The following TSHR variants were observed in gnomAD, a reference collection of about 807,000 sequenced individuals.
TSHR encodes the protein thyroid stimulating hormone receptor.
In TSHR, 51 loss-of-function variants were observed where a neutral mutation model predicts 64.1. The ratio of observed to expected loss-of-function variants is 0.80; its 90% CI spans 0.64 to 1.01. The LOEUF (loss-of-function observed/expected upper bound fraction) is 1.01, where lower values mean the gene tolerates loss of function less well. Among genes scored for constraint, TSHR ranks in the 50% least tolerant of loss-of-function variants. The probability of loss-of-function intolerance (pLI) is 0.00; values close to 1 mark genes in which losing one functional copy is unlikely to be tolerated. For synonymous variants in TSHR, 361 were observed against 361.9 expected (o/e 1.00, Z 0.03); for missense variants, 877 against 942.8 (o/e 0.93, Z 0.91).
At chr14:81,088,655 C>T (rs1423490278) in intron 4 of TSHR, among the ~76,000 whole-genome samples, 1 of 152,092 alleles carries the variant, frequency 6.6e-6, no homozygotes, top group African/African-American at 2.4e-5. Flanking sequence ...GACCTCAGGC[C>T]CCCTGGATAC....
At chr14:81,142,710 G>A (rs756293926) in intron 9 of TSHR, among the ~76,000 whole-genome samples, 6 of 150,868 alleles carry the variant, frequency 4.0e-5, no homozygotes, top group Admixed American at 6.6e-5. Context: ...CCCAGGCTCA[G>A]GTGATTTTCC....
intron 7 of TSHR, among the ~76,000 whole-genome samples, chr14:81,105,887 G>A (rs920894951): frequency 2.6e-5 from 4 of 152,142 alleles, no homozygotes; most frequent in Admixed American, 2.0e-4. Context: ...ATGCAAGCCA[G>A]TGCAGCCCTT....
intron 1 of TSHR, among the ~76,000 whole-genome samples, chr14:81,018,864 T>C (rs117336803): frequency 0.012 from 1,805 of 152,296 alleles, 21 homozygotes; most frequent in African/African-American, 0.016. Context: ...TTTTGAAATC[T>C]AACCAACTCA....
chr14:81,001,824 A>G (rs1449223830), intron 1 of TSHR: 2 of 254,578 alleles, frequency 7.9e-6, no homozygotes, highest in East Asian at 1.1e-4. Flanking sequence ...CAGGCCACTT[A>G]GGGGAAGAGC....
chr14:81,135,233 T>A lies in TSHR; in HGVS notation c.693-4446T>A, dbSNP rs190291054. 7.9e-5 allele frequency among the ~76,000 whole-genome samples: 12 copies of A among 152,232 alleles called. No homozygotes were observed. The East Asian group carries it at 2.1e-3, about 27-fold the overall frequency. ...TAGGAGAGAAAATCAAGAAAAAAGA[T>A]GACACAAGATTCAGAAAGAGACTCC... On this transcript the variant is annotated intron_variant, in intron 8 of 9. Coordinates refer to ENST00000298171, the MANE Select transcript of TSHR (RefSeq NM_000369.5).
At chr14:80,992,943 C>T (rs1888816897) in intron 1 of TSHR, 1 of 152,118 alleles carries the variant, frequency 6.6e-6, no homozygotes, top group South Asian at 2.1e-4. Flanking sequence ...TCACTGCGTT[C>T]CTTGTGGGTC....
intron 7 of TSHR, among the ~76,000 whole-genome samples, chr14:81,097,555 C>T (rs1368249734): frequency 6.6e-6 from 1 of 152,042 alleles, no homozygotes; most frequent in Non-Finnish European, 1.5e-5. Context: ...CAGGTGATGC[C>T]GACACTGCTG....
intron 1 of TSHR, chr14:80,994,621 CA>C (rs563691818): frequency 9.7e-4 from 148 of 152,224 alleles, no homozygotes; most frequent in African/African-American, 3.4e-3. Flanking sequence ...CAAAAGCAAG[CA>C]ATGAAGAAAG....
intron 8 of TSHR, among the ~76,000 whole-genome samples, chr14:81,111,448 C>T (rs1427638734): frequency 6.6e-6 from 1 of 152,196 alleles, no homozygotes; most frequent in African/African-American, 2.4e-5. Flanking sequence ...CCTCCCCAAA[C>T]CTCTTTGGGT....
chr14:81,012,490 G>A (rs913332232), intron 1 of TSHR: 1 of 150,040 alleles, frequency 6.7e-6, no homozygotes, highest in Non-Finnish European at 1.5e-5. Context: ...GGTATTTCTA[G>A]TTCTAGATCC....
At chr14:80,976,468 TTGA>T (rs1887881157) in intron 1 of TSHR, among the ~76,000 whole-genome samples, 4 of 152,220 alleles carry the variant, frequency 2.6e-5, no homozygotes, top group Non-Finnish European at 5.9e-5. Flanking sequence ...TCTGCTGGTC[TTGA>T]TGACTTATCT....
intron 1 of TSHR, among the ~76,000 whole-genome samples, chr14:80,963,118 A>G (rs1039856567): frequency 6.6e-6 from 1 of 152,222 alleles, no homozygotes; most frequent in African/African-American, 2.4e-5. Context: ...AGATATCCCA[A>G]GTAGGTCAAC....
Position 81,061,742 on chromosome 14 carries a change from C to G in TSHR, c.171-406C>G, listed in dbSNP as rs186978166. 4.5e-3 allele frequency among the ~76,000 whole-genome samples: 687 copies of G among 152,106 alleles called. 8 individuals are homozygous for G. Among genetic ancestry groups the G allele is most frequent in the African/African-American group, 0.016 (664 of 41,518 alleles). ...AATCAGTACAAAAAAAACCCTGACA[C>G]CAGTTTACCTATATAACAAATCTGC... On this transcript the variant is annotated intron_variant, in intron 1 of 9. Coordinates refer to ENST00000298171, the MANE Select transcript of TSHR (RefSeq NM_000369.5).
rs1306205964 is a variant in TSHR, at chr14:81,038,627, A to T, written c.171-23521A>T. Among the ~76,000 whole-genome samples, 3 of 150,960 alleles carry T rather than the reference A, an allele frequency of 2.0e-5. 1 individual carries two copies. The highest frequency in any genetic ancestry group is 3.0e-5 in the Non-Finnish European group (2 of 67,590). On this transcript the variant is annotated intron_variant, in intron 1 of 9. Transcript: ENST00000298171. Reference sequence around the variant, plus strand: ...AAAAGAGATAATACACAGATAAATAAAATCAGAGATTAAAAAGAAGCCATT... The same window carrying T: ...AAAAGAGATAATACACAGATAAATATAATCAGAGATTAAAAAGAAGCCATT...
chr14:81,114,414 T>C (rs1010093305), intron 8 of TSHR, among the ~76,000 whole-genome samples: 3 of 151,808 alleles, frequency 2.0e-5, no homozygotes, highest in South Asian at 2.1e-4. Flanking sequence ...AAGAAAGGGG[T>C]GACAGACGGC....
intron 8 of TSHR, among the ~76,000 whole-genome samples, chr14:81,109,761 A>G (rs1307602444): frequency 1.3e-5 from 2 of 152,028 alleles, no homozygotes; most frequent in African/African-American, 4.8e-5. Context: ...CCATCCAAAT[A>G]AGAGGTCAGA....
At chr14:81,079,940 T>C (rs1887780771) in intron 3 of TSHR, among the ~76,000 whole-genome samples, 1 of 7,762 alleles carries the variant, frequency 1.3e-4, no homozygotes, top group African/African-American at 2.6e-4. Context: ...TTTTGGGTTT[T>C]GTTTGTTTGT....
At chr14:81,028,053 C>T (rs1455634132) in intron 1 of TSHR, among the ~76,000 whole-genome samples, 1 of 152,026 alleles carries the variant, frequency 6.6e-6, no homozygotes, top group East Asian at 1.9e-4. Flanking sequence ...AAGCATCATT[C>T]ATAGTGAGAA....
chr14:81,090,173 T>C (rs977311302), intron 4 of TSHR, among the ~76,000 whole-genome samples: 12 of 152,342 alleles, frequency 7.9e-5, no homozygotes, highest in Admixed American at 2.0e-4. Flanking sequence ...CTTTTAATCT[T>C]AACATTTTTC....
Sources: gnomAD v4.1 joint callset for allele counts (sites outside exome capture counted in the v4.1 genomes callset) on GRCh38, gnomAD v4.1.1 for gene constraint, MANE v1.5 for transcripts, NCBI Gene and HGNC (gene_info 2026-07-23, HGNC 2026-07-21) for gene names.